ARF4: variants seen among roughly 807,000 people sequenced by gnomAD.
ARF4 encodes ADP-ribosylation factor 4.
ARF4 carries 5 observed loss-of-function variants against 24.3 expected under a neutral mutation model. The ratio of observed to expected loss-of-function variants is 0.21; its 90% CI spans 0.11 to 0.43. ARF4 has a LOEUF of 0.43. ARF4 is among the 20% of genes least tolerant of loss of function. The pLI, the probability that ARF4 is intolerant of heterozygous loss-of-function variation, is 1.00. For synonymous variants in ARF4, 62 were observed against 73.5 expected (o/e 0.84, Z 0.80); for missense variants, 107 against 213.0 (o/e 0.50, Z 3.10).
chr3:57,580,759 C>T (rs1559784114), intron 3 of ARF4, among the ~76,000 whole-genome samples: 1 of 150,460 alleles, frequency 6.6e-6, no homozygotes, highest in Non-Finnish European at 1.5e-5. Context: ...TGACTGCTAA[C>T]TTCCCATTTT....
chr3:57,593,197 C>G (rs1321089374), intron 1 of ARF4, among the ~76,000 whole-genome samples: 3 of 151,900 alleles, frequency 2.0e-5, no homozygotes, highest in African/African-American at 4.8e-5. Context: ...GGTGACAGAG[C>G]AAAACCCTGT....
intron 3 of ARF4, among the ~76,000 whole-genome samples, chr3:57,582,247 AT>A (rs1268406533): frequency 1.1e-3 from 160 of 144,278 alleles, no homozygotes; most frequent in East Asian, 2.0e-3. Context: ...ACATTCTACT[AT>A]TTTTTTTTTT....
chr3:57,587,834 T>C (rs1379012319), intron 1 of ARF4, among the ~76,000 whole-genome samples: 2 of 152,204 alleles, frequency 1.3e-5, no homozygotes, highest in African/African-American at 4.8e-5. Context: ...GACAACAGTT[T>C]AATGGCTCAC....
chr3:57,582,750 A>AT (rs1402120575), intron 3 of ARF4, among the ~76,000 whole-genome samples: 1 of 61,824 alleles, frequency 1.6e-5, no homozygotes, highest in East Asian at 0.028. Flanking sequence ...CACTTAAAAA[A>AT]AATTATTAAG....
chr3:57,590,057 T>A (rs1415929821), intron 1 of ARF4, among the ~76,000 whole-genome samples: 1 of 146,026 alleles, frequency 6.8e-6, no homozygotes, highest in Non-Finnish European at 1.5e-5. Flanking sequence ...GCCACTGCAC[T>A]CCAGCCTGGG....
intron 1 of ARF4, among the ~76,000 whole-genome samples, chr3:57,584,894 C>T (rs772916686): frequency 4.6e-5 from 7 of 152,192 alleles, no homozygotes; most frequent in East Asian, 1.9e-4. Context: ...GACGTATTCT[C>T]GCTCTGTTGT....
intron 1 of ARF4, among the ~76,000 whole-genome samples, chr3:57,594,258 T>C (rs1469117543): frequency 6.6e-6 from 1 of 152,102 alleles, no homozygotes; most frequent in African/African-American, 2.4e-5. Flanking sequence ...ACAGACGCTA[T>C]TGCTTTATTT....
chr3:57,572,622 G>GC (rs1037572220), intron 5 of ARF4, among the ~76,000 whole-genome samples: 52 of 152,266 alleles, frequency 3.4e-4, no homozygotes, highest in African/African-American at 1.3e-3. Context: ...GTTGCAGTGA[G>GC]CCGAGGCTGT....
chr3:57,579,035 G>A (rs1414644625), intron 3 of ARF4, among the ~76,000 whole-genome samples: 1 of 151,770 alleles, frequency 6.6e-6, no homozygotes, highest in African/African-American at 2.4e-5. Flanking sequence ...GGTGGCTTTC[G>A]CCTGTAATCC....
intron 1 of ARF4, chr3:57,596,843 A>G (rs910623606): frequency 3.8e-6 from 2 of 525,452 alleles, no homozygotes; most frequent in Non-Finnish European, 6.8e-6. Flanking sequence ...CGAGTCCAGA[A>G]AGAAATCTTG....
intron 1 of ARF4, 58 bp from the exon 2 acceptor site, chr3:57,584,522 T>A: frequency 7.1e-7 from 1 of 1,405,424 alleles, no homozygotes; most frequent in Non-Finnish European, 1.0e-6. Flanking sequence ...CAAGAAATAA[T>A]TTTACAATAA....
At chr3:57,573,432 TGCAAGGCCACTG>T (rs2069864155) in intron 5 of ARF4, among the ~76,000 whole-genome samples, 1 of 152,182 alleles carries the variant, frequency 6.6e-6, no homozygotes, top group South Asian at 2.1e-4. Context: ...AGTTTAATGT[TGCAAGGCCACTG>T]CAGGTATACC....
intron 4 of ARF4, among the ~76,000 whole-genome samples, chr3:57,576,186 T>C (rs550242025): frequency 6.6e-6 from 1 of 152,252 alleles, no homozygotes; most frequent in South Asian, 2.1e-4. Context: ...CATGATGCAA[T>C]ATAGACGAAC....
At chr3:57,579,142 G>C (rs977755255) in intron 3 of ARF4, among the ~76,000 whole-genome samples, 1 of 150,894 alleles carries the variant, frequency 6.6e-6, no homozygotes, top group Non-Finnish European at 1.5e-5. Context: ...ACAAAAATTA[G>C]CCGGGCATGG....
intron 1 of ARF4, among the ~76,000 whole-genome samples, chr3:57,586,838 CTG>C (rs1231356915): frequency 1.3e-5 from 2 of 152,100 alleles, no homozygotes; most frequent in Admixed American, 1.3e-4. Flanking sequence ...TCCAACAAAG[CTG>C]TCTCTTGAAA....
chr3:57,576,503 G>GTTTT (rs2069904345), intron 4 of ARF4, among the ~76,000 whole-genome samples: 2 of 130,904 alleles, frequency 1.5e-5, no homozygotes, highest in African/African-American at 5.8e-5. Flanking sequence ...TCTCAACCAA[G>GTTTT]CTTTTTTTTT....
chr3:57,576,549 T>C (rs1285774873), intron 4 of ARF4, among the ~76,000 whole-genome samples: 1 of 150,388 alleles, frequency 6.6e-6, no homozygotes, highest in Non-Finnish European at 1.5e-5. Context: ...CTGGTGACAT[T>C]TGACTCAGGC....
chr3:57,592,030 C>T (rs2070122499), intron 1 of ARF4, among the ~76,000 whole-genome samples: 1 of 152,150 alleles, frequency 6.6e-6, no homozygotes, highest in Non-Finnish European at 1.5e-5. Context: ...GAACTGTACA[C>T]TTTAACAGGG....
At chr3:57,590,347 G>C (rs1009482742) in intron 1 of ARF4, among the ~76,000 whole-genome samples, 1 of 149,428 alleles carries the variant, frequency 6.7e-6, no homozygotes, top group Non-Finnish European at 1.5e-5. Context: ...TTAGCCGGGC[G>C]CAGTGGCGGG....
Sources: gnomAD v4.1 joint callset for allele counts (sites outside exome capture counted in the v4.1 genomes callset) on GRCh38, gnomAD v4.1.1 for gene constraint, MANE v1.5 for transcripts, NCBI Gene and HGNC (gene_info 2026-07-23, HGNC 2026-07-21) for gene names.